MYBPH: variants seen among roughly 807,000 people sequenced by gnomAD.
MYBPH encodes the protein myosin binding protein H.
In MYBPH, 49 loss-of-function variants were observed where a neutral mutation model predicts 53.6. The ratio of observed to expected loss-of-function variants is 0.91; its 90% CI spans 0.73 to 1.16. MYBPH has a LOEUF of 1.16. Ranked by LOEUF, MYBPH falls within the 50% of genes most tolerant of loss-of-function variation. The pLI is 0.00. For synonymous variants in MYBPH, 239 were observed against 249.6 expected (o/e 0.96, Z 0.40); for missense variants, 558 against 624.1 (o/e 0.89, Z 1.13).
At chr1:203,169,430 G>A (rs968106871) in intron 7 of MYBPH, 41 bp from the exon 8 acceptor site, 44 of 1,551,754 alleles carry the variant, frequency 2.8e-5, no homozygotes, top group South Asian at 1.4e-4. Flanking sequence ...TGAGCTTACA[G>A]GAGTGAGGGA....
At chr1:203,173,262 A>C (rs1012027557) in intron 3 of MYBPH, among the ~76,000 whole-genome samples, 1 of 152,196 alleles carries the variant, frequency 6.6e-6, no homozygotes, top group Non-Finnish European at 1.5e-5. Context: ...GTCCCAACCA[A>C]GAAGCCTTCC....
intron 3 of MYBPH, 86 bp downstream of exon 3, chr1:203,174,344 G>A: frequency 6.7e-7 from 1 of 1,496,228 alleles, no homozygotes; most frequent in Non-Finnish European, 9.0e-7. Flanking sequence ...TGACTGCCTG[G>A]TTCCCTCTAC....
At chr1:203,172,077 T>G in intron 3 of MYBPH, 37 bp from the exon 4 acceptor site, 1 of 1,232,872 alleles carries the variant, frequency 8.1e-7, no homozygotes, top group Non-Finnish European at 1.0e-6. Context: ...AGCAGTGCAG[T>G]GGGGTGGCTG....
upstream of MYBPH, among the ~76,000 whole-genome samples, chr1:203,176,007 C>A (rs113010340): frequency 7.9e-4 from 121 of 152,268 alleles, 1 homozygote; most frequent in African/African-American, 2.6e-3. Context: ...TCATCCATCT[C>A]CCCGACTGGC....
chr1:203,176,256 G>A (rs566858475), upstream of MYBPH, among the ~76,000 whole-genome samples: 1 of 152,354 alleles, frequency 6.6e-6, no homozygotes, highest in East Asian at 1.9e-4. Context: ...AGCACTCCCA[G>A]CTTTGCCTCT....
rs568093686 is a variant in MYBPH, at chr1:203,175,734, C to T, written c.22G>A (p.Glu8Lys). Residue 8 changes from glutamate (E) to lysine (K), a missense_variant, in exon 1 of 11, where the codon GAG (glutamate) becomes AAG (lysine). By Grantham distance (56) the Glu-to-Lys change is moderately conservative. Coordinates refer to ENST00000255416, the MANE Select transcript of MYBPH (RefSeq NM_004997.3). MMEKNTSEGPACSPEETA... is the reference protein window; with the variant it reads MMEKNTSKGPACSPEETA... ...TCCTCTGGACTGCAGGCAGGGCCCT[C>T]GGAGGTGTTTTTTTCCATCATTGCT... 81 of 1,613,980 alleles carry T rather than the reference C, an allele frequency of 5.0e-5. No homozygotes were observed. The highest frequency in any genetic ancestry group is 1.5e-4 in the South Asian group (14 of 91,082).
chr1:203,169,369 C>T lies in MYBPH; in HGVS notation c.1114G>A (p.Gly372Arg). The T allele has an allele frequency of 3.2e-6, 5 of 1,585,130 alleles. No individual in the cohort carries two copies. Among genetic ancestry groups the T allele is most frequent in the Non-Finnish European group, 4.3e-6 (5 of 1,164,052 alleles). Reference protein sequence around the residue: ...QKADIAAKPKGFIERDFSEAP... With the variant: ...QKADIAAKPKRFIERDFSEAP... ...TCTGAGAAGTCTCGCTCAATAAACC[C>T]TTTAGGTTTGGCAGCAATATCTGGG... Residue 372 changes from glycine to arginine, a missense_variant, in exon 8 of 11, where the codon GGG becomes AGG. By Grantham distance (125) the Gly-to-Arg change is moderately radical. Transcript: ENST00000255416.
chr1:203,175,723 G>A lies in MYBPH; in HGVS notation c.33C>T (p.Ala11=), dbSNP rs1313189239. Residue 11 remains alanine, a synonymous_variant, in exon 1 of 11, where the codon GCC becomes GCT. Transcript: ENST00000255416. MMEKNTSEGP[A]CSPEETASES... Reference sequence around the variant, plus strand: ...CAGATGCGGTCTCCTCTGGACTGCAGGCAGGGCCCTCGGAGGTGTTTTTTT... The same window carrying A: ...CAGATGCGGTCTCCTCTGGACTGCAAGCAGGGCCCTCGGAGGTGTTTTTTT... 1.2e-6 allele frequency: 2 copies of A among 1,614,110 alleles called. No individual in the cohort carries two copies. Among genetic ancestry groups the A allele is most frequent in the African/African-American group, 1.3e-5 (1 of 75,060 alleles).
intron 6 of MYBPH, 139 bp from the exon 7 acceptor site, chr1:203,170,589 G>T: frequency 2.6e-6 from 3 of 1,166,010 alleles, no homozygotes; most frequent in Non-Finnish European, 2.4e-6. Context: ...GGGCCTCAGG[G>T]ACATTGAATT....
rs1413421597 is a variant in MYBPH, at chr1:203,171,238, GCCAGGCTGGC to G, written c.794-48_794-39del. 6 of 1,558,336 alleles carry G rather than the reference GCCAGGCTGGC, an allele frequency of 3.9e-6. No individual in the cohort carries two copies. In the East Asian group the frequency reaches 1.4e-4, roughly 35 times the overall value. On this transcript the variant is annotated intron_variant, in intron 5 of 10. Transcript: ENST00000255416. The surrounding 1 kb of genome is among the most constrained non-coding windows in gnomAD (Gnocchi z 4.2). ...AGTGTGAGAGGAAGTGAGTGTGAGGGCCAGGCTGGCCACAGAGCCCCCACACCCAAAATTT... is the reference window on the plus strand; with the variant it reads ...AGTGTGAGAGGAAGTGAGTGTGAGGGCACAGAGCCCCCACACCCAAAATTT...
At chr1:203,178,009 G>C (rs149066079), upstream of MYBPH, among the ~76,000 whole-genome samples, 2 of 152,202 alleles carry the variant, frequency 1.3e-5, no homozygotes, top group Non-Finnish European at 2.9e-5. Context: ...ACTTCAAACC[G>C]GCGTCACAAA....
chr1:203,172,561 G>T (rs3766550), intron 3 of MYBPH, among the ~76,000 whole-genome samples: 17,374 of 152,200 alleles, frequency 0.11, 1,160 homozygotes, highest in East Asian at 0.36. Flanking sequence ...CTATTGAAAG[G>T]TTTAGGATCT....
rs1655704112 is a variant in MYBPH at position 203,171,778 on chromosome 1, G to T, written c.597+174C>A. ...TCCATCCCGCTCTGGGGGCCCACCT[G>T]CCCATCCACAGGCTGAGAATCACCA... is the stretch of plus-strand genomic sequence containing the variant. On this transcript the variant is annotated intron_variant, in intron 4 of 10. Coordinates refer to ENST00000255416, the MANE Select transcript of MYBPH (RefSeq NM_004997.3). This position sits in a 1 kb window ranked among gnomAD's most constrained non-coding sequence, Gnocchi z 4.2. Among the ~76,000 whole-genome samples the T allele has an allele frequency of 6.6e-6, 1 of 152,202 alleles. No individual in the cohort carries two copies. The highest frequency in any genetic ancestry group is 2.4e-5 in the African/African-American group (1 of 41,442).
upstream of MYBPH, among the ~76,000 whole-genome samples, chr1:203,176,029 AG>A (rs1049758357): frequency 1.3e-5 from 2 of 152,190 alleles, no homozygotes; most frequent in African/African-American, 4.8e-5. Flanking sequence ...TTCAACAGCC[AG>A]GGTGCTGGTG....
Position 203,171,601 on chromosome 1 carries a change from G to A in MYBPH, c.598-23C>T, listed in dbSNP as rs760975612. ...CCCCTGGCAGGGAGGAGCCCCCAGG[G>A]TGAGTGTAGGGAGGTGCCAGAGTCC... On this transcript the variant is annotated intron_variant, in intron 4 of 10. Transcript: ENST00000255416. The surrounding 1 kb of genome is among the most constrained non-coding windows in gnomAD (Gnocchi z 4.2). 6.2e-7 allele frequency: 1 copy of A among 1,600,794 alleles called. No individual in the cohort carries two copies. Among genetic ancestry groups the A allele is most frequent in the Admixed American group, 1.7e-5 (1 of 58,550 alleles).
At chr1:203,179,040 G>A (rs114943381), upstream of MYBPH, 1,758 of 162,576 alleles carry the variant, frequency 0.011, 37 homozygotes, top group African/African-American at 0.039. Context: ...GGCTTTGCAG[G>A]GGGTATAATT....
intron 3 of MYBPH, among the ~76,000 whole-genome samples, chr1:203,173,600 C>T (rs1471019236): frequency 6.6e-6 from 1 of 152,202 alleles, no homozygotes; most frequent in East Asian, 1.9e-4. Flanking sequence ...CTTTCGAATC[C>T]AGACTTGACC....
chr1:203,168,435 C>T (rs536005820), intron 10 of MYBPH, among the ~76,000 whole-genome samples, 192 bp downstream of exon 10: 1 of 152,316 alleles, frequency 6.6e-6, no homozygotes, highest in South Asian at 2.1e-4. Context: ...TTCCAGGAGA[C>T]ACCGGCATCG....
Position 203,175,608 on chromosome 1 carries a change from G to A in MYBPH, c.148C>T (p.Pro50Ser), listed in dbSNP as rs144728208. The part of the protein sequence containing the change: ...REEQVPKPQA[P>S]APQAPTASTA... ...GAGGCTGTAGGGGCCTGTGGGGCAG[G>A]GGCCTGCGGCTTGGGCACCTGCTCT... The change falls in exon 1 of 11, where the codon CCT (proline) becomes TCT (serine). Residue 50 changes from proline (P) to serine (S), a missense_variant. Transcript: ENST00000255416. 52 of 1,613,856 alleles carry A rather than the reference G, an allele frequency of 3.2e-5. No homozygotes were observed. The highest frequency in any genetic ancestry group is 2.3e-4 in the South Asian group (21 of 91,088).
Sources: gnomAD v4.1 joint callset for allele counts (sites outside exome capture counted in the v4.1 genomes callset) on GRCh38, gnomAD v4.1.1 for gene constraint, Gnocchi (gnomAD v3.1) non-coding constraint, MANE v1.5 for transcripts, NCBI Gene and HGNC (gene_info 2026-07-23, HGNC 2026-07-21) for gene names.